PDE1A: variants seen among roughly 807,000 people sequenced by gnomAD.
PDE1A encodes phosphodiesterase 1A, also known as dual specificity calcium/calmodulin-dependent 3',5'-cyclic nucleotide phosphodiesterase 1A.
Under a neutral mutation model 61.7 loss-of-function variants are expected in PDE1A, and 35 were observed. The observed-to-expected ratio is 0.57, with a 90% CI of 0.43 to 0.75. PDE1A has a LOEUF of 0.75. PDE1A is among the 30% of genes least tolerant of loss of function. The pLI, the probability that PDE1A is intolerant of heterozygous loss-of-function variation, is 0.00. For synonymous variants in PDE1A, 232 were observed against 213.2 expected (o/e 1.09, Z -0.77); for missense variants, 597 against 630.6 (o/e 0.95, Z 0.57).
chr2:182,391,274 C>T (rs960543268), intron 1 of PDE1A, among the ~76,000 whole-genome samples: 2 of 152,014 alleles, frequency 1.3e-5, no homozygotes, highest in East Asian at 1.9e-4. Flanking sequence ...CCTTAGAAGG[C>T]CCTCCTTAGA....
chr2:182,431,071 C>T (rs1291043541), upstream of PDE1A, among the ~76,000 whole-genome samples: 1 of 116,058 alleles, frequency 8.6e-6, no homozygotes, highest in African/African-American at 3.2e-5. Flanking sequence ...CTAACCTGCA[C>T]AATGTGCACA....
the PDE1A span, among the ~76,000 whole-genome samples, chr2:182,560,830 T>C: frequency 6.6e-6 from 1 of 152,216 alleles, no homozygotes; most frequent in Non-Finnish European, 1.5e-5. Flanking sequence ...GTGAGCATTT[T>C]TTCATGTGTT....
At chr2:182,475,337 G>A (rs2125823041) in intron 2 of PDE1A, among the ~76,000 whole-genome samples, 1 of 152,006 alleles carries the variant, frequency 6.6e-6, no homozygotes, top group East Asian at 1.9e-4. Context: ...CACTAATGGA[G>A]GCAAGACAGG....
At chr2:182,623,257 T>TTG in the PDE1A span, among the ~76,000 whole-genome samples, 9 of 152,196 alleles carry the variant, frequency 5.9e-5, no homozygotes, top group Non-Finnish European at 1.2e-4. Context: ...CCATCCTTTC[T>TTG]GCCCAGCCAA....
chr2:182,591,590 G>C, the PDE1A span, among the ~76,000 whole-genome samples: 1 of 152,108 alleles, frequency 6.6e-6, no homozygotes, highest in Non-Finnish European at 1.5e-5. Flanking sequence ...CTTCATTGCG[G>C]GTGAGTGATG....
chr2:182,398,087 C>T (rs1421822489), intron 1 of PDE1A, among the ~76,000 whole-genome samples: 1 of 151,214 alleles, frequency 6.6e-6, no homozygotes, highest in Non-Finnish European at 1.5e-5. Context: ...CATCACTGGA[C>T]ACTGAAAAAA....
chr2:182,260,800 A>G (rs1432717198), intron 2 of PDE1A, among the ~76,000 whole-genome samples: 1 of 152,154 alleles, frequency 6.6e-6, no homozygotes, highest in Non-Finnish European at 1.5e-5. Flanking sequence ...ACTTTCATCA[A>G]ACTTCAGTGT....
the PDE1A span, among the ~76,000 whole-genome samples, chr2:182,597,229 G>A: frequency 0.37 from 55,687 of 151,702 alleles, 11,750 homozygotes; most frequent in East Asian, 0.62. Flanking sequence ...AGACTTAAGA[G>A]CAATTATGAG....
intron 2 of PDE1A, among the ~76,000 whole-genome samples, chr2:182,514,457 T>G (rs1011436946): frequency 6.6e-6 from 1 of 152,216 alleles, no homozygotes; most frequent in East Asian, 1.9e-4. Context: ...CAAAACAGCA[T>G]GGCACTGGTA....
At chr2:182,282,288 T>C (rs1479789913) in intron 1 of PDE1A, among the ~76,000 whole-genome samples, 1 of 151,988 alleles carries the variant, frequency 6.6e-6, no homozygotes, top group African/African-American at 2.4e-5. Flanking sequence ...AGATGATCAT[T>C]GTCAGGAAAA....
At chr2:182,573,908 T>C in the PDE1A span, among the ~76,000 whole-genome samples, 1 of 145,560 alleles carries the variant, frequency 6.9e-6, no homozygotes, top group East Asian at 2.0e-4. Context: ...TATATTTATA[T>C]ATTATATATA....
At chr2:182,569,417 T>C in the PDE1A span, among the ~76,000 whole-genome samples, 102 of 152,224 alleles carry the variant, frequency 6.7e-4, 1 homozygote, top group African/African-American at 2.1e-3. Context: ...TCAGCTATGG[T>C]CAACCTGCTC....
chr2:182,265,990 C>T (rs1692608428), intron 1 of PDE1A, among the ~76,000 whole-genome samples: 1 of 151,932 alleles, frequency 6.6e-6, no homozygotes, highest in Non-Finnish European at 1.5e-5. Flanking sequence ...GATACAAAGG[C>T]AAGTTAAGAA....
upstream of PDE1A, among the ~76,000 whole-genome samples, chr2:182,526,436 C>T (rs1252777312): frequency 6.6e-6 from 1 of 152,118 alleles, no homozygotes; most frequent in Non-Finnish European, 1.5e-5. Flanking sequence ...AGTATGAAGA[C>T]TTGAAACCAA....
intron 1 of PDE1A, among the ~76,000 whole-genome samples, chr2:182,388,318 A>G (rs1025814780): frequency 9.9e-5 from 15 of 152,182 alleles, no homozygotes; most frequent in Non-Finnish European, 1.2e-4. Context: ...TTAAACTGCA[A>G]TCTAGGCATA....
At chr2:182,239,715 G>A (rs1690348820) in intron 3 of PDE1A, among the ~76,000 whole-genome samples, 1 of 152,104 alleles carries the variant, frequency 6.6e-6, no homozygotes, top group South Asian at 2.1e-4. Context: ...GAAGGCCTAA[G>A]TGATCTTGAC....
chr2:182,241,511 G>A (rs1690507801), intron 2 of PDE1A, among the ~76,000 whole-genome samples: 2 of 152,174 alleles, frequency 1.3e-5, no homozygotes, highest in African/African-American at 4.8e-5. Flanking sequence ...CAAAAAACAG[G>A]AGGTCTCCAC....
chr2:182,352,353 C>T lies in PDE1A; in HGVS notation c.53+74225G>A, dbSNP rs147979824. ...CATGCACATGTTGATACTCATGCTG[C>T]TTGCAGTGCTGTGCACAAGTAGAGT... is the stretch of plus-strand genomic sequence containing the variant. On this transcript the variant is annotated intron_variant, in intron 1 of 13. Coordinates refer to ENST00000351439, the Ensembl canonical transcript of PDE1A. 4.6e-3 allele frequency among the ~76,000 whole-genome samples: 700 copies of T among 152,314 alleles called. 5 individuals carry two copies. The highest frequency in any genetic ancestry group is 0.029 in the South Asian group (140 of 4,826).
At chr2:182,229,141 T>C (rs994729568) in intron 6 of PDE1A, among the ~76,000 whole-genome samples, 1 of 152,122 alleles carries the variant, frequency 6.6e-6, no homozygotes, top group African/African-American at 2.4e-5. Flanking sequence ...CAGGTGAAGC[T>C]GATATAGTAG....
Sources: gnomAD v4.1 joint callset for allele counts (sites outside exome capture counted in the v4.1 genomes callset) on GRCh38, gnomAD v4.1.1 for gene constraint, MANE v1.5 for transcripts, NCBI Gene and HGNC (gene_info 2026-07-23, HGNC 2026-07-21) for gene names.